Variants in SMG6 observed in about 807,000 individuals in gnomAD.
SMG6 encodes the protein telomerase-binding protein EST1A.
Under a neutral mutation model 142.2 loss-of-function variants are expected in SMG6, and 66 were observed. The ratio of observed to expected loss-of-function variants is 0.46; its 90% CI spans 0.38 to 0.57. The LOEUF (loss-of-function observed/expected upper bound fraction) is 0.57. SMG6 is among the 20% of genes least tolerant of loss of function. The probability of loss-of-function intolerance (pLI) is 0.00; values close to 1 mark genes in which losing one functional copy is unlikely to be tolerated. For synonymous variants in SMG6, 779 were observed against 702.4 expected (o/e 1.11, Z -1.72); for missense variants, 1,793 against 1,832.0 (o/e 0.98, Z 0.39).
intron 10 of SMG6, among the ~76,000 whole-genome samples, chr17:2,190,096 A>G (rs2151696448): frequency 6.6e-6 from 1 of 152,346 alleles, no homozygotes; most frequent in East Asian, 1.9e-4. Flanking sequence ...GGAGATATGT[A>G]AGTTGTCAAG....
chr17:2,109,820 A>C (rs1377185252), intron 13 of SMG6, among the ~76,000 whole-genome samples: 1 of 152,134 alleles, frequency 6.6e-6, no homozygotes, highest in Admixed American at 6.6e-5. Context: ...GGGCAGACGC[A>C]GTGGCTCACA....
rs529143371 is a variant in SMG6 at position 2,139,366 on chromosome 17, G to C, written c.3357+33292C>G. Reference sequence around the variant, plus strand: ...AAGCACGCCAGACTGACAATCAAGAGCTCAGGGTTCTAGTACTATAAGACC... The same window carrying C: ...AAGCACGCCAGACTGACAATCAAGACCTCAGGGTTCTAGTACTATAAGACC... On this transcript the variant is annotated intron_variant, in intron 13 of 18. Transcript: ENST00000263073. Among the ~76,000 whole-genome samples the C allele has an allele frequency of 3.9e-5, 6 of 152,114 alleles. No individual in the cohort carries two copies. The South Asian group carries it at 1.2e-3, about 32-fold the overall frequency.
chr17:2,121,587 CTGTGTGTG>C (rs71150850), intron 13 of SMG6, among the ~76,000 whole-genome samples: 4,479 of 139,566 alleles, frequency 0.032, 124 homozygotes, highest in East Asian at 0.12. Context: ...ACATGTCTGT[CTGTGTGTG>C]TGTGTGTGTG....
intron 13 of SMG6, among the ~76,000 whole-genome samples, chr17:2,142,746 G>C (rs1056645328): frequency 6.6e-6 from 1 of 151,940 alleles, no homozygotes; most frequent in African/African-American, 2.4e-5. Context: ...AAATTAGCCA[G>C]GCGTGGTGGC....
intron 13 of SMG6, among the ~76,000 whole-genome samples, chr17:2,141,075 A>G (rs1188788707): frequency 6.6e-6 from 1 of 152,246 alleles, no homozygotes; most frequent in African/African-American, 2.4e-5. Flanking sequence ...CACTAGCCAC[A>G]TGTGGATATT....
At chr17:2,201,467 G>A (rs1013766999) in intron 10 of SMG6, among the ~76,000 whole-genome samples, 1 of 152,188 alleles carries the variant, frequency 6.6e-6, no homozygotes, top group Non-Finnish European at 1.5e-5. Context: ...GCTGAGGTGT[G>A]TGGATGGCTT....
At chr17:2,118,599 T>C (rs1210984094) in intron 13 of SMG6, among the ~76,000 whole-genome samples, 1 of 118,868 alleles carries the variant, frequency 8.4e-6, no homozygotes, top group Admixed American at 7.9e-5. Flanking sequence ...TCTAGATAGC[T>C]TTTTTTTTTT....
intron 15 of SMG6, among the ~76,000 whole-genome samples, chr17:2,080,565 C>T (rs550358096): frequency 2.0e-5 from 3 of 152,266 alleles, no homozygotes; most frequent in Non-Finnish European, 4.4e-5. Context: ...ATGCTAAGTG[C>T]TTTACATACA....
In SMG6 at chr17:2,061,185, G is replaced by T; in HGVS notation, c.*307C>A. The T allele has an allele frequency of 3.3e-6, 1 of 302,244 alleles. No individual in the cohort carries two copies. Among genetic ancestry groups the T allele is most frequent in the Non-Finnish European group, 6.4e-6 (1 of 155,412 alleles). The allele number at this position is 302,244 out of a possible 1,614,324, so 18.7% of individuals were successfully genotyped here. A position where few individuals can be genotyped will look rare whatever the true frequency, so the allele number is the denominator to read the frequency against. On this transcript the variant is annotated 3_prime_UTR_variant, in exon 19 of 19. Transcript: ENST00000263073. Reference sequence around the variant, plus strand: ...CTCCCTCAGCCTTGGAATGAGACGGGGGAGGGAGAAAGGCTGAGAGCATGG... The same window carrying T: ...CTCCCTCAGCCTTGGAATGAGACGGTGGAGGGAGAAAGGCTGAGAGCATGG...
At chr17:2,216,524 A>T (rs12603592) in intron 10 of SMG6, among the ~76,000 whole-genome samples, 57,675 of 152,018 alleles carry the variant, frequency 0.38, 11,242 homozygotes, top group African/African-American at 0.44. Context: ...CAAGGCACAA[A>T]TACTTACCTA....
intron 8 of SMG6, among the ~76,000 whole-genome samples, chr17:2,255,430 G>A (rs9914335): frequency 0.56 from 67,716 of 120,086 alleles, 20,905 homozygotes; most frequent in East Asian, 0.73. Flanking sequence ...AAAAAAAAAA[G>A]AATGTGATCT....
In SMG6 at chr17:2,303,754, G is replaced by A. The variant is rs192220141; in HGVS notation, c.-34C>T. The A allele has an allele frequency of 7.5e-6, 11 of 1,474,236 alleles. No individual in the cohort carries two copies. Among genetic ancestry groups the A allele is most frequent in the African/African-American group, 4.4e-5 (3 of 68,398 alleles). 91.3% of individuals were successfully genotyped at this position (1,474,236 alleles called of 1,614,324 possible). ...CTGCTGCTACAGCCGTAGCGGCTCCGCCACCGCCGCGCGCAGCCAGGAAAC... is the reference window on the plus strand; with the variant it reads ...CTGCTGCTACAGCCGTAGCGGCTCCACCACCGCCGCGCGCAGCCAGGAAAC... On this transcript the variant is annotated 5_prime_UTR_variant, in exon 1 of 19. Transcript: ENST00000263073.
chr17:2,178,969 C>T (rs1370232001), intron 12 of SMG6, among the ~76,000 whole-genome samples: 1 of 152,220 alleles, frequency 6.6e-6, no homozygotes, highest in Non-Finnish European at 1.5e-5. Flanking sequence ...TCCCTGGGGT[C>T]AGCTGCTGTA....
At chr17:2,142,525 TTCTATCTA>T (rs74918512) in intron 13 of SMG6, among the ~76,000 whole-genome samples, 9 of 150,924 alleles carry the variant, frequency 6.0e-5, no homozygotes, top group South Asian at 2.1e-4. Flanking sequence ...AATGTAATCT[TTCTATCTA>T]TCTATCTATC....
intron 8 of SMG6, among the ~76,000 whole-genome samples, chr17:2,253,295 C>T (rs962258474): frequency 2.0e-5 from 3 of 152,108 alleles, no homozygotes; most frequent in African/African-American, 7.2e-5. Flanking sequence ...GCGCCTGCCA[C>T]TACGCCTGGC....
chr17:2,215,099 G>C (rs2072975060), intron 10 of SMG6, among the ~76,000 whole-genome samples: 1 of 152,188 alleles, frequency 6.6e-6, no homozygotes, highest in African/African-American at 2.4e-5. Context: ...CTCTGGTACA[G>C]TAATTAATTT....
intron 13 of SMG6, among the ~76,000 whole-genome samples, chr17:2,102,343 A>G (rs372101402): frequency 2.0e-5 from 3 of 152,154 alleles, no homozygotes; most frequent in African/African-American, 4.8e-5. Flanking sequence ...AGAAAATTTG[A>G]AATTTACTCT....
intron 13 of SMG6, among the ~76,000 whole-genome samples, chr17:2,124,762 A>G (rs757869971): frequency 1.2e-4 from 18 of 152,238 alleles, no homozygotes; most frequent in Non-Finnish European, 1.9e-4. Flanking sequence ...ACATGGCAGA[A>G]AAACGAATGG....
chr17:2,077,499 C>G (rs989270847), intron 15 of SMG6, among the ~76,000 whole-genome samples: 2 of 152,130 alleles, frequency 1.3e-5, no homozygotes, highest in African/African-American at 4.8e-5. Context: ...TGAGGGACAG[C>G]ATGAACAAAA....
Sources: gnomAD v4.1 joint callset for allele counts (sites outside exome capture counted in the v4.1 genomes callset) on GRCh38, gnomAD v4.1.1 for gene constraint, MANE v1.5 for transcripts, NCBI Gene and HGNC (gene_info 2026-07-23, HGNC 2026-07-21) for gene names.